The following MPRIP variants were observed in gnomAD, a reference collection of about 807,000 sequenced individuals.
MPRIP encodes myosin phosphatase Rho interacting protein, also known as myosin phosphatase Rho-interacting protein.
A neutral mutation model predicts 234.9 loss-of-function variants in MPRIP; 59 were observed. The ratio of observed to expected loss-of-function variants is 0.25; its 90% confidence interval spans 0.20 to 0.31. The LOEUF (loss-of-function observed/expected upper bound fraction) is 0.31. Among genes scored for constraint, MPRIP ranks in the 10% least tolerant of loss-of-function variants. MPRIP has a pLI of 1.00. For missense variants in MPRIP, 2,436 were observed against 3,071.0 expected (o/e 0.79, Z 4.89); for synonymous variants, 1,144 against 1,263.9 (o/e 0.91, Z 2.01).
At chr17:17,096,289 G>T (rs1278761148) in intron 3 of MPRIP, among the ~76,000 whole-genome samples, 1 of 1,298 alleles carries the variant, frequency 7.7e-4, no homozygotes, top group African/African-American at 2.8e-3. Context: ...TGTGTGCAGG[G>T]TGTGTGTGTG....
intron 8 of MPRIP, 97 bp downstream of exon 8, chr17:17,142,862 T>A: frequency 7.2e-7 from 1 of 1,385,990 alleles, no homozygotes; most frequent in Non-Finnish European, 9.8e-7. Context: ...GCCTGGGATG[T>A]GCTCCTGCCA....
At chr17:17,173,731 C>T (rs2046194119) in intron 18 of MPRIP, 185 bp from the exon 19 acceptor site, 2 of 725,672 alleles carry the variant, frequency 2.8e-6, no homozygotes, top group South Asian at 1.5e-5. Flanking sequence ...TGAGAAAGGA[C>T]CAGGGAGGGG....
intron 1 of MPRIP, among the ~76,000 whole-genome samples, chr17:17,073,741 G>A (rs1297425514): frequency 4.6e-5 from 7 of 152,188 alleles, no homozygotes; most frequent in Non-Finnish European, 8.8e-5. Context: ...GAGGCCGAGC[G>A]TGTGTGCCCA....
chr17:17,122,839 A>T (rs1567729746), intron 3 of MPRIP, among the ~76,000 whole-genome samples: 1 of 152,242 alleles, frequency 6.6e-6, no homozygotes, highest in Non-Finnish European at 1.5e-5. Context: ...AGTTAAACAT[A>T]TAGTTTCCAT....
chr17:17,161,361 G>A lies in MPRIP; in HGVS notation c.2517+5G>A. On this transcript the variant is annotated splice_donor_5th_base_variant and intron_variant, in intron 15 of 23. Transcript: ENST00000651222. ...CGTGAGGGCTACGTGCTGCAGGTAG[G>A]GTGGAGGGGCTGCTGTGGCCCATGG... is the stretch of plus-strand genomic sequence containing the variant. The A allele has an allele frequency of 1.3e-6, 2 of 1,564,792 alleles. No homozygotes were observed. Among genetic ancestry groups the A allele is most frequent in the South Asian group, 1.2e-5 (1 of 86,354 alleles).
chr17:17,064,238 G>A (rs1200741544), intron 1 of MPRIP, among the ~76,000 whole-genome samples: 34 of 146,250 alleles, frequency 2.3e-4, no homozygotes, highest in African/African-American at 8.6e-4. Flanking sequence ...GTCTATCTCT[G>A]TTGCCCAGGC....
chr17:17,076,570 T>G (rs2144045056), intron 2 of MPRIP, among the ~76,000 whole-genome samples: 1 of 152,200 alleles, frequency 6.6e-6, no homozygotes, highest in South Asian at 2.1e-4. Flanking sequence ...CTAGAATGGG[T>G]TTTGATTTCA....
chr17:17,138,020 G>A lies in MPRIP; in HGVS notation c.841G>A (p.Glu281Lys), dbSNP rs775118676. The A allele has an allele frequency of 4.3e-6, 7 of 1,611,202 alleles. No individual in the cohort carries two copies. In the South Asian group the frequency reaches 7.7e-5, roughly 18 times the overall value. The change falls in exon 7 of 24, where the codon GAA (glutamate) becomes AAA (lysine). Residue 281 changes from glutamate (E) to lysine (K), a missense_variant. This residue lies in a region of MPRIP where 267 missense variants were observed against 252.7 expected (regional missense o/e 1.06). Coordinates refer to ENST00000651222, the MANE Select transcript of MPRIP (RefSeq NM_001364716.4). The surrounding 1 kb of genome is among the most constrained non-coding windows in gnomAD (Gnocchi z 5.8). The stretch of plus-strand genomic sequence containing the variant: ...GACCAAACAGGACTTGAAGGCTGAA[G>A]AACAGCAGCTGCCCCCGCCGCTCTC... ...EKTKQDLKAE[E>K]QQLPPPLSPP...
chr17:17,080,675 G>T (rs1383511790), intron 3 of MPRIP, among the ~76,000 whole-genome samples: 1 of 152,232 alleles, frequency 6.6e-6, no homozygotes, highest in African/African-American at 2.4e-5. Context: ...AACAAGGAAG[G>T]CTCCAGCCCA....
chr17:17,104,216 G>A (rs533817365), intron 3 of MPRIP, among the ~76,000 whole-genome samples: 6 of 152,250 alleles, frequency 3.9e-5, no homozygotes, highest in East Asian at 1.9e-4. Flanking sequence ...AGTCTGAGTC[G>A]TCCCACTGCT....
At chr17:17,108,670 C>A (rs1045180979) in intron 3 of MPRIP, among the ~76,000 whole-genome samples, 1 of 152,202 alleles carries the variant, frequency 6.6e-6, no homozygotes, top group Non-Finnish European at 1.5e-5. Flanking sequence ...GCTGCTTCTC[C>A]CTGCTGTAGA....
At chr17:17,085,766 A>G (rs2089575446) in intron 3 of MPRIP, among the ~76,000 whole-genome samples, 1 of 152,206 alleles carries the variant, frequency 6.6e-6, no homozygotes, top group African/African-American at 2.4e-5. Context: ...CAAAAAAATT[A>G]GCCAGGCATG....
Position 17,184,949 on chromosome 17 carries a change from C to T in MPRIP, c.*55C>T. Reference sequence around the variant, plus strand: ...TTCCCCAGCTTGCAGCAGCACACCCCAAGCGCTGCTTTTCACCTGTACCTT... The same window carrying T: ...TTCCCCAGCTTGCAGCAGCACACCCTAAGCGCTGCTTTTCACCTGTACCTT... On this transcript the variant is annotated 3_prime_UTR_variant, in exon 24 of 24. Transcript: ENST00000651222. 1.7e-6 allele frequency: 2 copies of T among 1,164,972 alleles called. No individual in the cohort carries two copies. The highest frequency in any genetic ancestry group is 2.6e-6 in the Non-Finnish European group (2 of 773,968). 72.2% of individuals were successfully genotyped at this position (1,164,972 alleles called of 1,614,324 possible). A position where few individuals can be genotyped will look rare whatever the true frequency, so the allele number is the denominator to read the frequency against.
chr17:17,177,818 C>G (rs2046288043), intron 22 of MPRIP, among the ~76,000 whole-genome samples: 1 of 152,036 alleles, frequency 6.6e-6, no homozygotes, highest in African/African-American at 2.4e-5. Context: ...AACAACAGAA[C>G]TGGCCCTTTT....
chr17:17,124,944 G>T (rs2090462353), intron 3 of MPRIP, among the ~76,000 whole-genome samples: 1 of 152,208 alleles, frequency 6.6e-6, no homozygotes, highest in Non-Finnish European at 1.5e-5. Flanking sequence ...CCTGTCCTGT[G>T]GCTGTGGCCA....
Position 17,128,514 on chromosome 17 carries a change from A to G in MPRIP, c.419+1661A>G, listed in dbSNP as rs145179451. ...CTTCTGTTGCATATTCAGGCTTGCC[A>G]TACCCATGCAGCTTGGGTAGACAAG... On this transcript the variant is annotated intron_variant, in intron 4 of 23. Coordinates refer to ENST00000651222, the MANE Select transcript of MPRIP (RefSeq NM_001364716.4). Among the ~76,000 whole-genome samples, 336 of 152,248 alleles carry G rather than the reference A, an allele frequency of 2.2e-3. 1 individual carries two copies. Among genetic ancestry groups the G allele is most frequent in the African/African-American group, 7.6e-3 (317 of 41,536 alleles).
Position 17,185,605 on chromosome 17 carries a change from T to TTCCTTTCTTGGTCTCCAGTAACCCTGG in MPRIP, c.*714_*740dup. 2.2e-6 allele frequency: 1 copy of TTCCTTTCTTGGTCTCCAGTAACCCTGG among 453,784 alleles called. No homozygotes were observed. The highest frequency in any genetic ancestry group is 4.4e-6 in the Non-Finnish European group (1 of 226,360). 28.1% of individuals were successfully genotyped at this position (453,784 alleles called of 1,614,324 possible). Reference sequence around the variant, plus strand: ...CTTCCTTCCTTCCTTCCTCCGCTCGTTCCTTTCTTGGTCTCCAGTAACCCT... The same window carrying TTCCTTTCTTGGTCTCCAGTAACCCTGG: ...CTTCCTTCCTTCCTTCCTCCGCTCGTTCCTTTCTTGGTCTCCAGTAACCCTGGTCCTTTCTTGGTCTCCAGTAACCCT... On this transcript the variant is annotated 3_prime_UTR_variant, in exon 24 of 24. Transcript: ENST00000651222.
At chr17:17,142,283 G>T in intron 7 of MPRIP, 1 of 235,376 alleles carries the variant, frequency 4.2e-6, no homozygotes. Context: ...GAGAATGGAG[G>T]CTGCCTTCCG....
intron 1 of MPRIP, among the ~76,000 whole-genome samples, chr17:17,063,869 T>C (rs768860446): frequency 2.5e-4 from 38 of 152,318 alleles, no homozygotes; most frequent in Non-Finnish European, 5.3e-4. Context: ...ACACTGGGTA[T>C]AGTAGGCTGA....
Sources: allele counts gnomAD v4.1 joint callset (sites outside exome capture counted in the v4.1 genomes callset), GRCh38; gene constraint gnomAD v4.1.1; regional missense constraint gnomAD v4.1.1; non-coding constraint Gnocchi (gnomAD v3.1); transcripts MANE v1.5; gene names NCBI Gene and HGNC (gene_info 2026-07-23, HGNC 2026-07-21).